KATNAL2: variants seen among roughly 807,000 people sequenced by gnomAD.
KATNAL2 encodes the protein katanin p60 ATPase-containing subunit A-like 2.
A neutral mutation model predicts 76.3 loss-of-function variants in KATNAL2; 52 were observed. That is an observed-to-expected ratio of 0.68 (90% CI 0.55 to 0.86). KATNAL2 has a LOEUF of 0.86. Ranked by LOEUF, KATNAL2 falls within the 40% of genes least tolerant of loss-of-function variation. The pLI, the probability that KATNAL2 is intolerant of heterozygous loss-of-function variation, is 0.00. For missense variants in KATNAL2, 660 were observed against 668.9 expected (o/e 0.99, Z 0.15); for synonymous variants, 243 against 244.2 (o/e 1.00, Z 0.05).
At chr18:47,078,348 T>A (rs551076090) in intron 15 of KATNAL2, among the ~76,000 whole-genome samples, 1 of 152,340 alleles carries the variant, frequency 6.6e-6, no homozygotes, top group East Asian at 1.9e-4. Flanking sequence ...AAAACCATAA[T>A]GTTCATTTGT....
intron 1 of KATNAL2, among the ~76,000 whole-genome samples, chr18:46,939,347 A>G (rs1038363145): frequency 1.3e-5 from 2 of 152,092 alleles, no homozygotes; most frequent in East Asian, 1.9e-4. Context: ...TTAAAAAAAA[A>G]AAAAAGAAAA....
intron 4 of KATNAL2, 54 bp downstream of exon 4, chr18:47,046,581 CTTT>C: frequency 8.3e-7 from 1 of 1,201,882 alleles, no homozygotes; most frequent in Non-Finnish European, 1.2e-6. Flanking sequence ...CTGCTCTCTA[CTTT>C]TCCAGATGCG....
At chr18:46,961,112 T>G (rs1363766593) in intron 3 of KATNAL2, among the ~76,000 whole-genome samples, 1 of 152,254 alleles carries the variant, frequency 6.6e-6, no homozygotes, top group African/African-American at 2.4e-5. Flanking sequence ...GTCTGGAATT[T>G]ACAGATAACA....
At chr18:47,094,253 G>A (rs1467342995) in intron 15 of KATNAL2, among the ~76,000 whole-genome samples, 3 of 151,920 alleles carry the variant, frequency 2.0e-5, no homozygotes, top group Non-Finnish European at 4.4e-5. Flanking sequence ...CCTTGATCTT[G>A]GTCTCCCACC....
intron 1 of KATNAL2, among the ~76,000 whole-genome samples, chr18:46,925,494 T>C (rs566027416): frequency 6.6e-6 from 1 of 152,284 alleles, no homozygotes; most frequent in East Asian, 1.9e-4. Flanking sequence ...CAGTATTTTA[T>C]TGAGGATTTT....
chr18:47,067,824 G>T (rs1395872174), intron 11 of KATNAL2, among the ~76,000 whole-genome samples: 1 of 152,224 alleles, frequency 6.6e-6, no homozygotes, highest in Non-Finnish European at 1.5e-5. Context: ...GCTGGGCTCA[G>T]CTGGGCTGGC....
At chr18:46,969,504 TC>T in intron 3 of KATNAL2, 1 of 904,952 alleles carries the variant, frequency 1.1e-6, no homozygotes, top group Non-Finnish European at 1.6e-6. Context: ...TTGGCCTGCA[TC>T]CAGGCCTCTG....
rs371223281 is a variant in KATNAL2 at position 47,031,730 on chromosome 18, C to T, written c.52-14727C>T. Reference sequence around the variant, plus strand: ...CTTACCTTATGTGATCCACCCACCTCGGCCTCCCAAAGTGCTGAGGTAGGG... The same window carrying T: ...CTTACCTTATGTGATCCACCCACCTTGGCCTCCCAAAGTGCTGAGGTAGGG... On this transcript the variant is annotated intron_variant, in intron 3 of 17. Coordinates refer to ENST00000683218, the MANE Select transcript of KATNAL2 (RefSeq NM_001387690.1). Among the ~76,000 whole-genome samples, 26 of 152,136 alleles carry T rather than the reference C, an allele frequency of 1.7e-4. No homozygotes were observed. The East Asian group carries it at 4.0e-3, about 24-fold the overall frequency.
chr18:46,921,222 G>A (rs181975562), intron 1 of KATNAL2, among the ~76,000 whole-genome samples: 36 of 152,248 alleles, frequency 2.4e-4, no homozygotes, highest in Non-Finnish European at 3.4e-4. Context: ...CTGCCCCCCC[G>A]AATTTAAGCA....
At position 47,046,024 on chromosome 18, in the gene KATNAL2, C is replaced by A. The variant is rs138203050; in HGVS notation, c.52-433C>A. ...ATCTCTGCATTTGGCAAGGACTGGG[C>A]GGGGCTCTGAGTGAACTACAGATAT... On this transcript the variant is annotated intron_variant, in intron 3 of 17. Transcript: ENST00000683218. Among the ~76,000 whole-genome samples the A allele has an allele frequency of 4.6e-5, 7 of 152,262 alleles. No individual in the cohort carries two copies. The South Asian group carries it at 8.3e-4, about 18-fold the overall frequency.
chr18:47,077,450 T>C lies in KATNAL2; in HGVS notation c.1200T>C (p.Ser400=). ...SEDLVFVLAA[S]NLPWELDCAM... is the part of the protein sequence containing the mutation. ...ATCTCGTATTTGTCTTAGCAGCTTC[T>C]AACCTGCCGTGGTAAGAGACCAAGA... The change falls in exon 15 of 18, where the codon TCT becomes TCC. Residue 400 remains serine, a synonymous_variant. Coordinates refer to ENST00000683218, the MANE Select transcript of KATNAL2 (RefSeq NM_001387690.1). 1 of 1,612,020 alleles carries C rather than the reference T, an allele frequency of 6.2e-7. No individual in the cohort carries two copies. Among genetic ancestry groups the C allele is most frequent in the South Asian group, 1.1e-5 (1 of 91,018 alleles).
chr18:47,054,663 C>T (rs1409794283), intron 6 of KATNAL2: 1 of 525,034 alleles, frequency 1.9e-6, no homozygotes, highest in Non-Finnish European at 3.4e-6. Context: ...TCCTGTGATG[C>T]TCTGTCTTTC....
chr18:46,921,219 C>G (rs572878570), intron 1 of KATNAL2, among the ~76,000 whole-genome samples: 3 of 152,218 alleles, frequency 2.0e-5, no homozygotes, highest in Non-Finnish European at 4.4e-5. Context: ...CCTCTGCCCC[C>G]CCGAATTTAA....
At chr18:47,034,979 G>A (rs149255867) in intron 3 of KATNAL2, 4 of 1,611,616 alleles carry the variant, frequency 2.5e-6, no homozygotes, top group Non-Finnish European at 2.5e-6. Flanking sequence ...AAGCGCTGTC[G>A]GGAAGCGCTC....
At chr18:47,099,749 A>G (rs1208612256) in intron 16 of KATNAL2, among the ~76,000 whole-genome samples, 2 of 152,166 alleles carry the variant, frequency 1.3e-5, no homozygotes, top group Admixed American at 1.3e-4. Context: ...CAGATGAGCC[A>G]CAAAGAATGA....
At chr18:47,054,591 C>T in intron 6 of KATNAL2, 153 bp downstream of exon 6, 1 of 721,594 alleles carries the variant, frequency 1.4e-6, no homozygotes, top group South Asian at 1.8e-5. Context: ...TCTCTCATTA[C>T]AGCTGCCCCA....
rs564321239 is a variant in KATNAL2 at position 47,031,273 on chromosome 18, C to T, written c.52-15184C>T. On this transcript the variant is annotated intron_variant, in intron 3 of 17. Transcript: ENST00000683218. ...GCTGATATTGGTGCCACGGTTTGGG[C>T]AGCGGAGTTCCACTCTTACCTTTCA... 5.9e-4 allele frequency among the ~76,000 whole-genome samples: 90 copies of T among 152,080 alleles called. 1 individual carries two copies. The South Asian group carries it at 0.018, about 31-fold the overall frequency.
chr18:47,058,863 CT>C (rs2061546070), intron 7 of KATNAL2, among the ~76,000 whole-genome samples: 1 of 152,136 alleles, frequency 6.6e-6, no homozygotes, highest in South Asian at 2.1e-4. Flanking sequence ...GACCTTCATG[CT>C]GGACTTCCTG....
At position 46,938,952 on chromosome 18, in the gene KATNAL2, C is replaced by T. The variant is rs116711710; in HGVS notation, c.-509-7105C>T. Among the ~76,000 whole-genome samples, 960 of 152,228 alleles carry T rather than the reference C, an allele frequency of 6.3e-3. 8 individuals carry two copies. Among genetic ancestry groups the T allele is most frequent in the African/African-American group, 0.022 (901 of 41,550 alleles). ...CAATTCCTGCACCCCCAGTCCTTTG[C>T]TAGCATATAAGTTCAGTGAAGGCAG... On this transcript the variant is annotated intron_variant, in intron 1 of 17. Transcript: ENST00000683218.
Sources: gnomAD v4.1 joint callset for allele counts (sites outside exome capture counted in the v4.1 genomes callset) on GRCh38, gnomAD v4.1.1 for gene constraint, MANE v1.5 for transcripts, NCBI Gene and HGNC (gene_info 2026-07-23, HGNC 2026-07-21) for gene names.